Variants in CIMAP1B observed in about 807,000 individuals in gnomAD.
CIMAP1B encodes orf2 5' to PD-ECGF/TP.
the CIMAP1B span, chr22:50,532,093 C>T: frequency 6.6e-6 from 9 of 1,361,052 alleles, 1 homozygote; most frequent in Admixed American, 1.9e-4. Flanking sequence ...GGGTGGGGGG[C>T]GCTTACGGCT....
At chr22:50,531,561 G>A in the CIMAP1B span, 1 of 1,425,278 alleles carries the variant, frequency 7.0e-7, no homozygotes, top group Non-Finnish European at 9.1e-7. Context: ...GGGGCCCGGG[G>A]GTCCTGACCA....
the CIMAP1B span, chr22:50,531,988 G>C: frequency 2.2e-6 from 3 of 1,349,826 alleles, no homozygotes; most frequent in Non-Finnish European, 2.9e-6. Context: ...GCGGCAGCTT[G>C]TATTTGGGCC....
the CIMAP1B span, chr22:50,531,188 C>A: frequency 6.2e-7 from 1 of 1,611,698 alleles, no homozygotes; most frequent in Non-Finnish European, 8.5e-7. Context: ...GTTCTGACCT[C>A]ACCTGGGCTC....
chr22:50,530,797 G>C, the CIMAP1B span: 1 of 1,605,932 alleles, frequency 6.2e-7, no homozygotes, highest in Non-Finnish European at 8.5e-7. Context: ...GAACTGGGGG[G>C]CCCGGGACTT....
the CIMAP1B span, chr22:50,531,134 GT>G: frequency 1.9e-6 from 3 of 1,589,250 alleles, no homozygotes; most frequent in South Asian, 3.3e-5. Flanking sequence ...CCGGAGGGCG[GT>G]CCCCGGTCTC....
At chr22:50,532,383 G>C in the CIMAP1B span, 1 of 301,916 alleles carries the variant, frequency 3.3e-6, no homozygotes, top group East Asian at 5.3e-5. Context: ...AATCACCTGG[G>C]GGTGGGGTGG....
the CIMAP1B span, chr22:50,531,534 C>G: frequency 2.2e-5 from 30 of 1,390,472 alleles, no homozygotes; most frequent in South Asian, 1.2e-4. Flanking sequence ...GGAGGCAGTT[C>G]GGCGTTGGGG....
chr22:50,531,264 C>T, the CIMAP1B span: 1 of 1,610,116 alleles, frequency 6.2e-7, no homozygotes, highest in Non-Finnish European at 8.5e-7. Context: ...TGGGGTACGT[C>T]GCGTTCCCCG....
chr22:50,532,354 A>C, the CIMAP1B span: 2 of 330,052 alleles, frequency 6.1e-6, no homozygotes, highest in Non-Finnish European at 1.1e-5. Flanking sequence ...CCAAGTCTAG[A>C]CCCAGACTTG....
the CIMAP1B span, chr22:50,530,696 C>G: frequency 1.2e-6 from 2 of 1,611,074 alleles, no homozygotes; most frequent in East Asian, 2.2e-5. Context: ...ACCCTTGACC[C>G]TGGGCTCCAG....
chr22:50,530,891 G>T, the CIMAP1B span: 3 of 1,607,976 alleles, frequency 1.9e-6, no homozygotes, highest in South Asian at 2.2e-5. Flanking sequence ...CGCCTCCACT[G>T]CCGCGGACCA....
the CIMAP1B span, chr22:50,530,877 C>T: frequency 1.2e-6 from 2 of 1,606,264 alleles, no homozygotes; most frequent in African/African-American, 1.3e-5. Flanking sequence ...AGGGTGCTGG[C>T]TGCCGCCTCC....
the CIMAP1B span, chr22:50,532,014 G>T: frequency 7.4e-7 from 1 of 1,360,406 alleles, no homozygotes; most frequent in South Asian, 1.8e-5. Flanking sequence ...CCTCCGTAGT[G>T]CGCCGCGATG....
At chr22:50,531,136 C>T in the CIMAP1B span, 2 of 1,589,666 alleles carry the variant, frequency 1.3e-6, no homozygotes, top group South Asian at 1.1e-5. Flanking sequence ...GGAGGGCGGT[C>T]CCCGGTCTCG....
At chr22:50,530,489 C>A in the CIMAP1B span, 2 of 1,598,198 alleles carry the variant, frequency 1.3e-6, no homozygotes, top group Non-Finnish European at 1.7e-6. Flanking sequence ...GTCAGTTGTC[C>A]GCGTCGGTCA....
At chr22:50,532,328 C>G in the CIMAP1B span, 4 of 401,932 alleles carry the variant, frequency 1.0e-5, no homozygotes, top group Non-Finnish European at 1.7e-5. Flanking sequence ...TAGGCAGGGA[C>G]GTGAACTCGC....
At chr22:50,531,685 G>C in the CIMAP1B span, 1 of 1,369,930 alleles carries the variant, frequency 7.3e-7, no homozygotes, top group Non-Finnish European at 9.4e-7. Flanking sequence ...GGCCTGGCCC[G>C]GGGCCGCACG....
the CIMAP1B span, chr22:50,531,860 C>T: frequency 7.5e-7 from 1 of 1,327,814 alleles, no homozygotes; most frequent in Non-Finnish European, 9.7e-7. Context: ...GACCCCCTCT[C>T]CCCTCTAGCA....
the CIMAP1B span, chr22:50,531,106 G>GC: frequency 6.3e-7 from 1 of 1,588,234 alleles, no homozygotes; most frequent in Non-Finnish European, 8.6e-7. Flanking sequence ...GCGGACAGGC[G>GC]CAGGGTGGTC....
Sources: gnomAD v4.1 joint callset for allele counts on GRCh38, gnomAD v4.1.1 for gene constraint, MANE v1.5 for transcripts, NCBI Gene and HGNC (gene_info 2026-07-23, HGNC 2026-07-21) for gene names.